ATP10B: variants seen among roughly 807,000 people sequenced by gnomAD.
ATP10B encodes ATPase phospholipid transporting 10B (putative), also known as phospholipid-transporting ATPase VB.
A neutral mutation model predicts 141.2 loss-of-function variants in ATP10B; 122 were observed. The ratio of observed to expected loss-of-function variants is 0.86; its 90% CI spans 0.75 to 1.00. The LOEUF is 1.00. Among genes scored for constraint, ATP10B ranks in the 50% least tolerant of loss-of-function variants. ATP10B has a pLI of 0.00. For synonymous variants in ATP10B, 685 were observed against 692.0 expected (o/e 0.99, Z 0.16); for missense variants, 1,876 against 1,825.3 (o/e 1.03, Z -0.51).
chr5:160,851,736 T>C (rs939298279), intron 1 of ATP10B, among the ~76,000 whole-genome samples: 2 of 152,212 alleles, frequency 1.3e-5, no homozygotes, highest in African/African-American at 2.4e-5. Flanking sequence ...CATCAGCTTA[T>C]CATAATGAAA....
At chr5:160,925,202 T>C in the ATP10B span, among the ~76,000 whole-genome samples, 2 of 152,374 alleles carry the variant, frequency 1.3e-5, no homozygotes, top group South Asian at 4.1e-4. Context: ...ATCCTGATTC[T>C]GGCCATGTGG....
chr5:160,868,542 A>ACACC, the ATP10B span, among the ~76,000 whole-genome samples: 1 of 150,722 alleles, frequency 6.6e-6, no homozygotes, highest in African/African-American at 2.5e-5. Context: ...ACACACACAC[A>ACACC]CACACACACA....
intron 2 of ATP10B, among the ~76,000 whole-genome samples, chr5:160,749,670 T>A (rs1768030017): frequency 6.6e-6 from 1 of 152,126 alleles, no homozygotes; most frequent in Non-Finnish European, 1.5e-5. Context: ...GAAACCAAGA[T>A]CTCATGTGAC....
intron 3 of ATP10B, among the ~76,000 whole-genome samples, chr5:160,700,447 G>C (rs1478920033): frequency 6.6e-6 from 1 of 152,216 alleles, no homozygotes; most frequent in Non-Finnish European, 1.5e-5. Context: ...CCAGGGGGAT[G>C]CATGACCATG....
At chr5:160,756,136 T>C (rs1314072967) in intron 2 of ATP10B, among the ~76,000 whole-genome samples, 2 of 130,326 alleles carry the variant, frequency 1.5e-5, no homozygotes, top group Non-Finnish European at 1.6e-5. Flanking sequence ...ATAAATTATT[T>C]GCATTATGTA....
At chr5:160,606,510 C>A (rs76554271) in intron 19 of ATP10B, among the ~76,000 whole-genome samples, 2,438 of 152,262 alleles carry the variant, frequency 0.016, 65 homozygotes, top group African/African-American at 0.056. Context: ...GAATTCAAGG[C>A]CCCTGTTGGT....
chr5:160,637,405 A>G (rs947003406), intron 10 of ATP10B, among the ~76,000 whole-genome samples: 1 of 152,176 alleles, frequency 6.6e-6, no homozygotes, highest in African/African-American at 2.4e-5. Flanking sequence ...GATTAATTCA[A>G]GAAGTTAGTA....
At chr5:160,593,550 G>A (rs1159312258) in intron 22 of ATP10B, among the ~76,000 whole-genome samples, 2 of 152,200 alleles carry the variant, frequency 1.3e-5, no homozygotes, top group African/African-American at 4.8e-5. Flanking sequence ...CACCAGCAAT[G>A]GAACAAAGCT....
intron 2 of ATP10B, among the ~76,000 whole-genome samples, chr5:160,734,736 A>G (rs1039293691): frequency 6.6e-6 from 1 of 152,078 alleles, no homozygotes; most frequent in Non-Finnish European, 1.5e-5. Context: ...GGTCAAGTTG[A>G]AAGTAAATAA....
Position 160,565,418 on chromosome 5 carries a change from G to T in ATP10B, c.*35C>A, listed in dbSNP as rs527442978. On this transcript the variant is annotated 3_prime_UTR_variant, in exon 26 of 26. Coordinates refer to ENST00000327245, the MANE Select transcript of ATP10B (RefSeq NM_025153.3). ...GGTTATGTGGACCAGTGACTAGGTG[G>T]CCTCTGTTGAGTTTGTACAGATTTC... The T allele has an allele frequency of 7.5e-6, 12 of 1,595,728 alleles. No homozygotes were observed. In the Admixed American group the frequency reaches 1.7e-4, roughly 22 times the overall value.
intron 5 of ATP10B, 31 bp from the exon 6 acceptor site, chr5:160,686,304 C>T (rs1763748688): frequency 6.8e-7 from 1 of 1,471,508 alleles, no homozygotes; most frequent in Non-Finnish European, 9.1e-7. Flanking sequence ...TGAATAAACA[C>T]TATGGAGAAG....
At chr5:160,779,831 C>T (rs1770598737) in intron 2 of ATP10B, among the ~76,000 whole-genome samples, 1 of 151,894 alleles carries the variant, frequency 6.6e-6, no homozygotes, top group Admixed American at 6.5e-5. Context: ...ATGCTGTATA[C>T]AAGCTCAGTA....
chr5:160,928,956 C>T, the ATP10B span, among the ~76,000 whole-genome samples: 62 of 152,328 alleles, frequency 4.1e-4, no homozygotes, highest in African/African-American at 1.4e-3. Context: ...CCATTATCAT[C>T]TACAACAGCC....
chr5:160,644,940 A>AC (rs1760166220), intron 8 of ATP10B, among the ~76,000 whole-genome samples: 4 of 152,050 alleles, frequency 2.6e-5, no homozygotes, highest in Admixed American at 6.5e-5. Flanking sequence ...ACATGGTGAA[A>AC]CCCCGTCTCT....
the ATP10B span, among the ~76,000 whole-genome samples, chr5:160,862,440 A>AT: frequency 6.6e-6 from 1 of 151,936 alleles, no homozygotes; most frequent in Non-Finnish European, 1.5e-5. Context: ...CCATAATCAC[A>AT]TAAGTCAATT....
At chr5:160,786,465 G>A (rs1223034680) in intron 1 of ATP10B, among the ~76,000 whole-genome samples, 1 of 152,086 alleles carries the variant, frequency 6.6e-6, no homozygotes, top group East Asian at 1.9e-4. Context: ...AGAAAACAGG[G>A]CAGTTATCAT....
intron 20 of ATP10B, 118 bp downstream of exon 20, chr5:160,603,847 C>T (rs78279297): frequency 0.018 from 13,691 of 764,018 alleles, 156 homozygotes; most frequent in Middle Eastern, 0.042. Context: ...TTATGGAGGG[C>T]ATTGCAACTT....
At chr5:160,866,107 T>TATAAAAAAAC in the ATP10B span, among the ~76,000 whole-genome samples, 1 of 151,646 alleles carries the variant, frequency 6.6e-6, no homozygotes, top group Admixed American at 6.6e-5. Context: ...AAATGACATA[T>TATAAAAAAAC]GCACATGTAT....
intron 3 of ATP10B, among the ~76,000 whole-genome samples, chr5:160,709,343 C>A (rs147824151): frequency 9.2e-5 from 14 of 152,094 alleles, no homozygotes; most frequent in African/African-American, 2.9e-4. Context: ...ATTAGATACA[C>A]AAATTTGAAA....
Sources: gnomAD v4.1 joint callset for allele counts (sites outside exome capture counted in the v4.1 genomes callset) on GRCh38, gnomAD v4.1.1 for gene constraint, MANE v1.5 for transcripts, NCBI Gene and HGNC (gene_info 2026-07-23, HGNC 2026-07-21) for gene names.